The following EDIL3 variants were observed in gnomAD, a reference collection of about 807,000 sequenced individuals.
The protein encoded by EDIL3 is EGF-like repeat and discoidin I-like domain-containing protein 3.
Under a neutral mutation model 67.4 loss-of-function variants are expected in EDIL3, and 37 were observed. The observed-to-expected ratio is 0.55, with a 90% CI of 0.42 to 0.72. The LOEUF (loss-of-function observed/expected upper bound fraction) is 0.72. EDIL3 is among the 30% of genes least tolerant of loss of function. The pLI, the probability that EDIL3 is intolerant of heterozygous loss-of-function variation, is 0.00. For missense variants in EDIL3, 527 were observed against 586.3 expected (o/e 0.90, Z 1.04); for synonymous variants, 195 against 196.3 (o/e 0.99, Z 0.05).
chr5:84,176,229 T>C (rs922159645), intron 4 of EDIL3, among the ~76,000 whole-genome samples: 1 of 137,958 alleles, frequency 7.2e-6, no homozygotes, highest in Non-Finnish European at 1.5e-5. Flanking sequence ...ATATATATAA[T>C]ATATTGTATG....
intron 9 of EDIL3, among the ~76,000 whole-genome samples, chr5:84,019,063 A>G (rs1364114815): frequency 6.6e-6 from 1 of 152,222 alleles, no homozygotes; most frequent in Non-Finnish European, 1.5e-5. Context: ...CCAAAGGATT[A>G]TAAATCATGC....
intron 1 of EDIL3, among the ~76,000 whole-genome samples, chr5:84,270,202 T>C (rs770580893): frequency 6.6e-6 from 1 of 152,166 alleles, no homozygotes; most frequent in Non-Finnish European, 1.5e-5. Flanking sequence ...TCACAACCTA[T>C]AAAAACCCAA....
chr5:84,317,500 T>C (rs1746539636), intron 1 of EDIL3, among the ~76,000 whole-genome samples: 2 of 152,058 alleles, frequency 1.3e-5, no homozygotes, highest in Admixed American at 1.3e-4. Context: ...CTAGAAGAAA[T>C]GGATAAATTC....
intron 4 of EDIL3, among the ~76,000 whole-genome samples, chr5:84,143,589 T>C (rs1017697934): frequency 6.6e-6 from 1 of 152,082 alleles, no homozygotes; most frequent in Non-Finnish European, 1.5e-5. Context: ...GTTGTTTATA[T>C]TAATTATTCC....
chr5:84,190,687 A>C (rs1334612661), intron 3 of EDIL3, among the ~76,000 whole-genome samples: 1 of 151,514 alleles, frequency 6.6e-6, no homozygotes, highest in Non-Finnish European at 1.5e-5. Context: ...AACTACAAAA[A>C]TTGCATGTTC....
intron 9 of EDIL3, among the ~76,000 whole-genome samples, chr5:84,012,883 C>T (rs1389149702): frequency 6.6e-6 from 1 of 151,964 alleles, no homozygotes; most frequent in Non-Finnish European, 1.5e-5. Context: ...ATAGCTTTCA[C>T]TTTAGAAGAC....
Position 84,137,226 on chromosome 5 carries a change from C to T in EDIL3, c.469+15G>A, listed in dbSNP as rs767045259. ...ACACACACACACACACACATACACA[C>T]ACGTGAATACTTACTGTATTGACAA... On this transcript the variant is annotated intron_variant, in intron 5 of 10. Coordinates refer to ENST00000296591, the MANE Select transcript of EDIL3 (RefSeq NM_005711.5). 1.0e-5 allele frequency: 16 copies of T among 1,583,996 alleles called. No individual in the cohort carries two copies. Among genetic ancestry groups the T allele is most frequent in the African/African-American group, 2.7e-5 (2 of 73,610 alleles).
At chr5:84,289,914 C>T (rs937084851) in intron 1 of EDIL3, among the ~76,000 whole-genome samples, 3 of 152,150 alleles carry the variant, frequency 2.0e-5, no homozygotes, top group Admixed American at 6.5e-5. Context: ...CTTCCACAGA[C>T]ATATTCTGAC....
intron 9 of EDIL3, among the ~76,000 whole-genome samples, chr5:83,970,248 G>A (rs1458887203): frequency 1.2e-5 from 1 of 81,676 alleles, no homozygotes; most frequent in Admixed American, 1.6e-4. Context: ...ATTGTTCAGT[G>A]TCACTAATTA....
chr5:84,161,471 C>T (rs1258008316), intron 4 of EDIL3, among the ~76,000 whole-genome samples: 4 of 151,968 alleles, frequency 2.6e-5, no homozygotes, highest in Non-Finnish European at 5.9e-5. Context: ...AAAAGAGCTT[C>T]ACAGTCTATA....
intron 3 of EDIL3, among the ~76,000 whole-genome samples, chr5:84,215,485 C>T (rs1744210466): frequency 2.0e-5 from 3 of 152,268 alleles, no homozygotes; most frequent in African/African-American, 7.2e-5. Flanking sequence ...ATCTCCTGAC[C>T]TCGTGATCCG....
chr5:84,114,649 T>C (rs1041113018), intron 5 of EDIL3, among the ~76,000 whole-genome samples: 1 of 152,200 alleles, frequency 6.6e-6, no homozygotes, highest in African/African-American at 2.4e-5. Flanking sequence ...TCCTTAATAC[T>C]GTTTTCAAAA....
intron 4 of EDIL3, among the ~76,000 whole-genome samples, chr5:84,141,952 G>T (rs199925878): frequency 5.8e-4 from 63 of 108,324 alleles, no homozygotes; most frequent in African/African-American, 1.3e-3. Context: ...TATATACATA[G>T]ATCTATCTAT....
intron 1 of EDIL3, among the ~76,000 whole-genome samples, chr5:84,307,136 C>T (rs2112137398): frequency 6.6e-6 from 1 of 152,182 alleles, no homozygotes; most frequent in African/African-American, 2.4e-5. Context: ...AAGTGCACAT[C>T]TGAAAATAAA....
At chr5:84,242,768 A>G (rs1485678483) in intron 2 of EDIL3, among the ~76,000 whole-genome samples, 1 of 146,216 alleles carries the variant, frequency 6.8e-6, no homozygotes, top group Non-Finnish European at 1.5e-5. Flanking sequence ...ATTGCACTCC[A>G]GCATAGGCGA....
At chr5:84,202,952 T>C (rs1743876491) in intron 3 of EDIL3, among the ~76,000 whole-genome samples, 1 of 152,030 alleles carries the variant, frequency 6.6e-6, no homozygotes, top group Admixed American at 6.6e-5. Flanking sequence ...AAATAAAGCC[T>C]GAGAGATATT....
rs1048634864 is a variant in EDIL3 at position 84,180,659 on chromosome 5, G to C, written c.227-138C>G. 6 of 991,196 alleles carry C rather than the reference G, an allele frequency of 6.1e-6. No homozygotes were observed. In the African/African-American group the frequency reaches 8.4e-5, roughly 14 times the overall value. The allele number at this position is 991,196 out of a possible 1,614,324, so 61.4% of individuals were successfully genotyped here. Reference sequence around the variant, plus strand: ...CATAGTAAATGTACTGGTTGTATGAGCTCTGGAGACTAATGGCCTGGGTTT... The same window carrying C: ...CATAGTAAATGTACTGGTTGTATGACCTCTGGAGACTAATGGCCTGGGTTT... On this transcript the variant is annotated intron_variant, in intron 3 of 10. Transcript: ENST00000296591.
At chr5:84,322,389 C>T (rs181384383) in intron 1 of EDIL3, among the ~76,000 whole-genome samples, 1 of 151,448 alleles carries the variant, frequency 6.6e-6, no homozygotes, top group Non-Finnish European at 1.5e-5. Context: ...CTAAAAAGAA[C>T]CAAAAATACA....
chr5:84,023,646 G>GA (rs967541637), intron 9 of EDIL3, among the ~76,000 whole-genome samples: 3 of 151,862 alleles, frequency 2.0e-5, no homozygotes, highest in Admixed American at 6.6e-5. Flanking sequence ...TAGTGTAAAT[G>GA]AAAAAAATGC....
Sources: allele counts gnomAD v4.1 joint callset (sites outside exome capture counted in the v4.1 genomes callset), GRCh38; gene constraint gnomAD v4.1.1; transcripts MANE v1.5; gene names NCBI Gene and HGNC (gene_info 2026-07-23, HGNC 2026-07-21).